HSPA14: variants seen among roughly 807,000 people sequenced by gnomAD.
HSPA14 encodes heat shock 70 kDa protein 14.
A neutral mutation model predicts 65.5 loss-of-function variants in HSPA14; 37 were observed. That is an observed-to-expected ratio of 0.56 (90% confidence interval 0.43 to 0.74). The LOEUF (loss-of-function observed/expected upper bound fraction) is 0.74. Among genes scored for constraint, HSPA14 ranks in the 30% least tolerant of loss-of-function variants. The probability of loss-of-function intolerance (pLI) is 0.00; values close to 1 mark genes in which losing one functional copy is unlikely to be tolerated. For missense variants in HSPA14, 564 were observed against 607.6 expected, an observed-to-expected ratio of 0.93 and a Z score of 0.75; for synonymous variants, 203 against 214.2, an observed-to-expected ratio of 0.95 and a Z score of 0.46.
chr10:14,868,364 C>T (rs924463409), intron 12 of HSPA14, among the ~76,000 whole-genome samples: 2 of 152,118 alleles, frequency 1.3e-5, no homozygotes, highest in Non-Finnish European at 2.9e-5. Flanking sequence ...GCCATGCTGC[C>T]TCTGAGACAA....
chr10:14,871,569 GA>G lies in HSPA14; in HGVS notation c.1497del (p.Lys499AsnfsTer9). On this transcript the variant is annotated frameshift_variant, in exon 14 of 14. Transcript: ENST00000378372. LOFTEE classifies it high-confidence loss of function. Reference sequence around the variant, plus strand: ...GTGACATGCACAGATCAAGAAACTGGAAAATGTGAAGCAATCTCTATTGAGA... The same window carrying G: ...GTGACATGCACAGATCAAGAAACTGGAAATGTGAAGCAATCTCTATTGAGA... ...LHVTCTDQETGKCEAISIEIA... is the reference protein window; with the variant it reads ...LHVTCTDQETXKCEAISIEIA... The G allele has an allele frequency of 3.1e-6, 5 of 1,598,542 alleles. No homozygotes were observed. Among genetic ancestry groups the G allele is most frequent in the African/African-American group, 1.3e-5 (1 of 74,418 alleles).
intron 10 of HSPA14, among the ~76,000 whole-genome samples, chr10:14,858,839 G>A (rs933281004): frequency 6.6e-6 from 1 of 152,190 alleles, no homozygotes. Context: ...GGTTTCCAGA[G>A]AGGTGAAGTA....
intron 5 of HSPA14, 28 bp downstream of exon 5, chr10:14,848,923 A>C (rs1834086799): frequency 1.7e-6 from 2 of 1,146,608 alleles, no homozygotes; most frequent in African/African-American, 3.1e-5. Context: ...TATAATAGTT[A>C]CCTTTAATGA....
chr10:14,865,521 A>G (rs1342996179), intron 10 of HSPA14, among the ~76,000 whole-genome samples: 6 of 152,248 alleles, frequency 3.9e-5, no homozygotes, highest in African/African-American at 1.2e-4. Context: ...GAAGAGATCC[A>G]GTTTCAGCTT....
intron 3 of HSPA14, chr10:14,846,278 G>T (rs1252575923): frequency 1.0e-6 from 1 of 985,274 alleles, no homozygotes; most frequent in Admixed American, 6.2e-5. Context: ...ACTTGACGGA[G>T]AGTTAGGCCT....
chr10:14,844,128 A>G (rs1299432997), intron 3 of HSPA14: 2 of 1,345,860 alleles, frequency 1.5e-6, no homozygotes, highest in African/African-American at 3.0e-5. Flanking sequence ...GCCACGTTCT[A>G]GACAGCTGGT....
At chr10:14,868,416 C>T (rs761362097) in intron 12 of HSPA14, among the ~76,000 whole-genome samples, 61 of 152,128 alleles carry the variant, frequency 4.0e-4, no homozygotes, top group Non-Finnish European at 7.8e-4. Flanking sequence ...ATATCTTATA[C>T]TATGTGACCC....
At chr10:14,860,320 G>A (rs947116033) in intron 10 of HSPA14, among the ~76,000 whole-genome samples, 4 of 152,072 alleles carry the variant, frequency 2.6e-5, no homozygotes, top group Non-Finnish European at 5.9e-5. Flanking sequence ...TAGACACCTG[G>A]GATACAGTAG....
At chr10:14,858,366 C>A (rs531549694) in intron 10 of HSPA14, among the ~76,000 whole-genome samples, 1 of 152,230 alleles carries the variant, frequency 6.6e-6, no homozygotes, top group African/African-American at 2.4e-5. Context: ...GTTAGAGATT[C>A]CCTCTTCAGA....
At chr10:14,851,454 G>A in intron 7 of HSPA14, 131 bp downstream of exon 7, 1 of 614,206 alleles carries the variant, frequency 1.6e-6, no homozygotes, top group Non-Finnish European at 2.9e-6. Context: ...ACAGACTCTT[G>A]CCTAGAGTTT....
intron 1 of HSPA14, 98 bp downstream of exon 1, chr10:14,838,557 A>G (rs2131631825): frequency 1.6e-6 from 2 of 1,239,576 alleles, no homozygotes; most frequent in Middle Eastern, 2.6e-4. Context: ...TCGCCGGCCT[A>G]GGGATGTCGT....
chr10:14,866,575 T>C (rs969991242), intron 10 of HSPA14, among the ~76,000 whole-genome samples: 2 of 152,256 alleles, frequency 1.3e-5, no homozygotes, highest in African/African-American at 4.8e-5. Context: ...TACCAGCCGC[T>C]TAAAATGCAG....
At chr10:14,852,222 A>G (rs1297044651) in intron 7 of HSPA14, 148 bp from the exon 8 acceptor site, 4 of 653,872 alleles carry the variant, frequency 6.1e-6, no homozygotes, top group Non-Finnish European at 1.0e-5. Flanking sequence ...TTGATTTGTC[A>G]ATAAGTGACT....
At position 14,857,425 on chromosome 10, in the gene HSPA14, C is replaced by T. The variant is rs192784369; in HGVS notation, c.993+1482C>T. ...AGTATACATTTTACTATAGCCTTGTCGACACTGAGTTATAGCATTTAAAGA... is the reference window on the plus strand; with the variant it reads ...AGTATACATTTTACTATAGCCTTGTTGACACTGAGTTATAGCATTTAAAGA... On this transcript the variant is annotated intron_variant, in intron 10 of 13. Coordinates refer to ENST00000378372, the MANE Select transcript of HSPA14 (RefSeq NM_016299.4). Among the ~76,000 whole-genome samples, 66 of 152,246 alleles carry T rather than the reference C, an allele frequency of 4.3e-4. 2 individuals carry two copies. The East Asian group carries it at 0.011, about 26-fold the overall frequency.
intron 8 of HSPA14, among the ~76,000 whole-genome samples, chr10:14,853,702 GT>G (rs1415403929): frequency 1.3e-5 from 2 of 152,088 alleles, no homozygotes; most frequent in African/African-American, 4.8e-5. Flanking sequence ...ATAAAATATT[GT>G]TTCACTAATT....
chr10:14,851,273 T>C lies in HSPA14; in HGVS notation c.522T>C (p.Ser174=), dbSNP rs1834106898. 2 of 1,612,872 alleles carry C rather than the reference T, an allele frequency of 1.2e-6. No homozygotes were observed. The highest frequency in any genetic ancestry group is 2.7e-5 in the African/African-American group (2 of 74,904). Residue 174 remains serine (S), a synonymous_variant, in exon 7 of 14, where the codon TCT becomes TCC. Coordinates refer to ENST00000378372, the MANE Select transcript of HSPA14 (RefSeq NM_016299.4). ...FNVLRLIHEP[S]AALLAYGIGQ... is the part of the protein sequence containing the mutation. ...TTTTGCGATTAATTCACGAACCGTC[T>C]GCAGCTCTTCTTGCTTATGGAATTG...
rs1174999929 is a variant in HSPA14, at chr10:14,871,732, A to G, written c.*126A>G. On this transcript the variant is annotated 3_prime_UTR_variant, in exon 14 of 14. Transcript: ENST00000378372. ...AAACTATGTTTTATTAAACTACAATATATCAGTAAGTGTTGCAACCCTTTG... is the reference window on the plus strand; with the variant it reads ...AAACTATGTTTTATTAAACTACAATGTATCAGTAAGTGTTGCAACCCTTTG... The G allele has an allele frequency of 5.9e-6, 3 of 505,872 alleles. No individual in the cohort carries two copies. Among genetic ancestry groups the G allele is most frequent in the African/African-American group, 2.0e-5 (1 of 49,540 alleles). The allele number at this position is 505,872 out of a possible 1,614,324, so 31.3% of individuals were successfully genotyped here. A position where few individuals can be genotyped will look rare whatever the true frequency, so the allele number is the denominator to read the frequency against.
At chr10:14,841,826 T>C (rs1430060275) in intron 3 of HSPA14, among the ~76,000 whole-genome samples, 3 of 152,206 alleles carry the variant, frequency 2.0e-5, no homozygotes, top group Non-Finnish European at 2.9e-5. Context: ...ATGCTTGGAC[T>C]CCTTTAGCGT....
Position 14,871,520 on chromosome 10 carries a change from C to T in HSPA14, c.1452-8C>T. On this transcript the variant is annotated splice_region_variant and splice_polypyrimidine_tract_variant and intron_variant, in intron 13 of 13. Coordinates refer to ENST00000378372, the MANE Select transcript of HSPA14 (RefSeq NM_016299.4). ...TGTGCAATGTTCTTTATTTTTTTGT[C>T]TGTTTAGGGATGGATCTTTACATGT... 1 of 1,536,418 alleles carries T rather than the reference C, an allele frequency of 6.5e-7. No homozygotes were observed. Among genetic ancestry groups the T allele is most frequent in the Non-Finnish European group, 8.9e-7 (1 of 1,124,240 alleles).
Sources: allele counts gnomAD v4.1 joint callset (sites outside exome capture counted in the v4.1 genomes callset), GRCh38; gene constraint gnomAD v4.1.1; transcripts MANE v1.5; gene names NCBI Gene and HGNC (gene_info 2026-07-23, HGNC 2026-07-21).